Variants in DLG2 observed in about 807,000 individuals in gnomAD.
DLG2 encodes the protein disks large homolog 2.
Under a neutral mutation model 132.5 loss-of-function variants are expected in DLG2, and 45 were observed. The observed-to-expected ratio is 0.34, with a 90% CI of 0.27 to 0.44. The LOEUF (loss-of-function observed/expected upper bound fraction) is 0.44. Among genes scored for constraint, DLG2 ranks in the 20% least tolerant of loss-of-function variants. DLG2 has a pLI of 1.00. For missense variants in DLG2, 1,045 were observed against 1,196.9 expected (o/e 0.87, Z 1.87); for synonymous variants, 424 against 419.6 (o/e 1.01, Z -0.13).
intron 10 of DLG2, among the ~76,000 whole-genome samples, chr11:84,061,038 C>T (rs1010170760): frequency 3.3e-5 from 5 of 152,192 alleles, no homozygotes; most frequent in South Asian, 4.1e-4. Flanking sequence ...GCTTACTCAA[C>T]TTGCATTCCC....
chr11:84,921,678 C>T (rs751837363), intron 6 of DLG2, among the ~76,000 whole-genome samples: 30 of 152,102 alleles, frequency 2.0e-4, no homozygotes, highest in Middle Eastern at 3.4e-3. Flanking sequence ...ATGGAGCTTC[C>T]GCTGAATAAA....
At chr11:84,866,045 G>A (rs1291288701) in intron 6 of DLG2, among the ~76,000 whole-genome samples, 1 of 152,188 alleles carries the variant, frequency 6.6e-6, no homozygotes, top group Non-Finnish European at 1.5e-5. Context: ...TCAAAAGGTT[G>A]AGGGAATGAT....
At chr11:83,707,090 A>T (rs2084194162) in intron 18 of DLG2, among the ~76,000 whole-genome samples, 2 of 152,358 alleles carry the variant, frequency 1.3e-5, no homozygotes, top group South Asian at 4.1e-4. Flanking sequence ...TATTTCAAAT[A>T]CGAGAAAATA....
At chr11:84,751,677 T>C (rs892317529) in intron 6 of DLG2, among the ~76,000 whole-genome samples, 3 of 152,198 alleles carry the variant, frequency 2.0e-5, no homozygotes, top group East Asian at 1.9e-4. Context: ...AAAGAACTTT[T>C]ATTTTCCTGA....
At chr11:84,197,063 A>G (rs1403578316) in intron 8 of DLG2, among the ~76,000 whole-genome samples, 4 of 151,158 alleles carry the variant, frequency 2.6e-5, no homozygotes, top group Non-Finnish European at 4.4e-5. Context: ...AAAAGAAAGA[A>G]AAGAAAAAAA....
intron 7 of DLG2, among the ~76,000 whole-genome samples, chr11:84,527,836 T>C (rs1356777081): frequency 2.0e-5 from 3 of 151,758 alleles, no homozygotes; most frequent in Non-Finnish European, 4.4e-5. Flanking sequence ...ATTTATGAAA[T>C]TTTGTATAAG....
intron 6 of DLG2, among the ~76,000 whole-genome samples, chr11:84,998,176 T>C (rs1322064891): frequency 6.6e-6 from 1 of 152,116 alleles, no homozygotes; most frequent in Non-Finnish European, 1.5e-5. Flanking sequence ...TATGTATTAA[T>C]AGGGTTTGGC....
At chr11:83,885,660 G>C (rs2067640003) in intron 15 of DLG2, among the ~76,000 whole-genome samples, 1 of 152,150 alleles carries the variant, frequency 6.6e-6, no homozygotes, top group Non-Finnish European at 1.5e-5. Context: ...ATTCACCAAA[G>C]TTGAAATGAA....
chr11:83,703,946 A>C (rs945797944), intron 18 of DLG2, among the ~76,000 whole-genome samples: 3 of 152,236 alleles, frequency 2.0e-5, no homozygotes, highest in Non-Finnish European at 4.4e-5. Context: ...TATGGACATG[A>C]AGAAGTGCCC....
chr11:84,738,514 T>A (rs747079090), intron 6 of DLG2, among the ~76,000 whole-genome samples: 11 of 152,170 alleles, frequency 7.2e-5, no homozygotes, highest in Non-Finnish European at 1.2e-4. Flanking sequence ...TGTTTCTCAA[T>A]AGACATACAC....
chr11:84,782,034 C>G (rs937391009), intron 6 of DLG2, among the ~76,000 whole-genome samples: 4 of 152,066 alleles, frequency 2.6e-5, no homozygotes, highest in Admixed American at 2.6e-4. Flanking sequence ...ATACCATTAG[C>G]AGCCACAATC....
At chr11:83,967,116 T>G (rs2090382853) in intron 12 of DLG2, among the ~76,000 whole-genome samples, 1 of 152,096 alleles carries the variant, frequency 6.6e-6, no homozygotes, top group Non-Finnish European at 1.5e-5. Flanking sequence ...ATACCACATT[T>G]TCTTTATCCT....
intron 17 of DLG2, among the ~76,000 whole-genome samples, chr11:83,797,367 A>G (rs1337986764): frequency 6.6e-6 from 1 of 152,196 alleles, no homozygotes; most frequent in Non-Finnish European, 1.5e-5. Flanking sequence ...GTGTGAAGTA[A>G]GAACACACAA....
intron 5 of DLG2, among the ~76,000 whole-genome samples, chr11:85,151,181 A>G (rs2077225528): frequency 6.6e-6 from 1 of 152,256 alleles, no homozygotes; most frequent in Admixed American, 6.5e-5. Context: ...AGAATTTTCT[A>G]TTCAAGTCTT....
chr11:84,466,662 A>G (rs562129613), intron 7 of DLG2, among the ~76,000 whole-genome samples: 1 of 151,362 alleles, frequency 6.6e-6, no homozygotes, highest in East Asian at 1.9e-4. Flanking sequence ...GAATTCTCAC[A>G]TATTTCTAGT....
At chr11:84,482,315 T>A (rs554133170) in intron 7 of DLG2, among the ~76,000 whole-genome samples, 45 of 152,318 alleles carry the variant, frequency 3.0e-4, no homozygotes, top group South Asian at 1.4e-3. Flanking sequence ...CTCATGGAAG[T>A]AATCTTTCAC....
At chr11:83,652,478 C>T (rs886362897) in intron 18 of DLG2, among the ~76,000 whole-genome samples, 2 of 152,164 alleles carry the variant, frequency 1.3e-5, no homozygotes, top group African/African-American at 4.8e-5. Context: ...TCAAGCGTTT[C>T]TCCCACCAAA....
At chr11:83,506,796 C>A (rs1403732796) in intron 21 of DLG2, among the ~76,000 whole-genome samples, 1 of 152,164 alleles carries the variant, frequency 6.6e-6, no homozygotes, top group East Asian at 1.9e-4. Flanking sequence ...GTTGCAGGGT[C>A]CCATTCTTTT....
intron 21 of DLG2, among the ~76,000 whole-genome samples, chr11:83,491,927 G>C (rs754898382): frequency 1.3e-5 from 2 of 151,896 alleles, no homozygotes; most frequent in Non-Finnish European, 2.9e-5. Flanking sequence ...ATCTACACCA[G>C]AGGTCAGTGA....
Sources: gnomAD v4.1 joint callset for allele counts (sites outside exome capture counted in the v4.1 genomes callset) on GRCh38, gnomAD v4.1.1 for gene constraint, MANE v1.5 for transcripts, NCBI Gene and HGNC (gene_info 2026-07-23, HGNC 2026-07-21) for gene names.